ATP6V1H: variants seen among roughly 807,000 people sequenced by gnomAD.
ATP6V1H encodes V-type proton ATPase subunit H.
ATP6V1H carries 39 observed loss-of-function variants against 71.7 expected under a neutral mutation model. That is an observed-to-expected ratio of 0.54 (90% CI 0.42 to 0.71). The LOEUF is 0.71. Ranked by LOEUF, ATP6V1H falls within the 30% of genes least tolerant of loss-of-function variation. The pLI, the probability that ATP6V1H is intolerant of heterozygous loss-of-function variation, is 0.00. For missense variants in ATP6V1H, 509 were observed against 594.9 expected, an observed-to-expected ratio of 0.86 and a Z score of 1.50; for synonymous variants, 192 against 199.3, an observed-to-expected ratio of 0.96 and a Z score of 0.31.
intron 9 of ATP6V1H, among the ~76,000 whole-genome samples, chr8:53,779,356 C>T (rs986330599): frequency 6.6e-6 from 1 of 151,914 alleles, no homozygotes; most frequent in African/African-American, 2.4e-5. Flanking sequence ...TGGAATTAAG[C>T]TTAAAAAGAC....
At chr8:53,839,516 C>A (rs1406099117) in intron 2 of ATP6V1H, 2 of 802,748 alleles carry the variant, frequency 2.5e-6, no homozygotes, top group African/African-American at 3.8e-5. Context: ...CCCCCACACA[C>A]CAAATCAATC....
chr8:53,799,885 GCTAGTGC>G (rs1809854591), intron 8 of ATP6V1H, among the ~76,000 whole-genome samples: 1 of 152,172 alleles, frequency 6.6e-6, no homozygotes, highest in South Asian at 2.1e-4. Context: ...CACCAAATCT[GCTAGTGC>G]CTTCATCTTG....
chr8:53,811,279 T>C lies in ATP6V1H; in HGVS notation c.526-62A>G. The C allele has an allele frequency of 4.1e-6, 6 of 1,464,076 alleles. No homozygotes were observed. The South Asian group carries it at 5.8e-5, about 14-fold the overall frequency. The allele number at this position is 1,464,076 out of a possible 1,614,324, so 90.7% of individuals were successfully genotyped here. A position where few individuals can be genotyped will look rare whatever the true frequency, so the allele number is the denominator to read the frequency against. On this transcript the variant is annotated intron_variant, in intron 6 of 13. Transcript: ENST00000359530. Reference sequence around the variant, plus strand: ...TTTGATTTTATCCTAATGTATCAGCTTACAAAAGGGAGCTAAGCAAACTTT... The same window carrying C: ...TTTGATTTTATCCTAATGTATCAGCCTACAAAAGGGAGCTAAGCAAACTTT...
intron 7 of ATP6V1H, among the ~76,000 whole-genome samples, chr8:53,802,130 A>T (rs1809928999): frequency 6.6e-6 from 1 of 152,374 alleles, no homozygotes. Context: ...ACTACTTAAC[A>T]CACAGGGAAA....
intron 5 of ATP6V1H, among the ~76,000 whole-genome samples, chr8:53,816,530 C>T (rs1296136792): frequency 6.6e-6 from 1 of 152,134 alleles, no homozygotes; most frequent in African/African-American, 2.4e-5. Context: ...GGGTGCAGTG[C>T]CTCACACCTG....
intron 9 of ATP6V1H, among the ~76,000 whole-genome samples, chr8:53,778,815 G>A (rs77714073): frequency 0.017 from 2,604 of 152,268 alleles, 84 homozygotes; most frequent in African/African-American, 0.06. Flanking sequence ...CCAAGGATGT[G>A]TTGCCTAAAA....
intron 11 of ATP6V1H, among the ~76,000 whole-genome samples, chr8:53,762,029 A>G (rs1385593085): frequency 6.6e-6 from 1 of 152,200 alleles, no homozygotes; most frequent in African/African-American, 2.4e-5. Context: ...ATTTTTAGAT[A>G]CCAGACTCAA....
intron 12 of ATP6V1H, among the ~76,000 whole-genome samples, chr8:53,748,050 C>T (rs1397673351): frequency 3.3e-5 from 5 of 151,876 alleles, no homozygotes; most frequent in African/African-American, 9.7e-5. Context: ...CCCAGCTACT[C>T]AGGAGGCTGA....
At position 53,769,685 on chromosome 8, in the gene ATP6V1H, G is replaced by A; in HGVS notation, c.1108C>T (p.His370Tyr). Residue 370 changes from histidine (H) to tyrosine (Y), a missense_variant, in exon 11 of 14, where the codon CAC becomes TAC. By Grantham distance (83) the His-to-Tyr change is moderately conservative. Around this residue, in one of 2 missense-constraint regions of ATP6V1H, gnomAD observed 212 missense variants for 291.6 expected, o/e 0.73. Transcript: ENST00000359530. ...TCTCTCCAAAATTTCTCAGATTTGT[G>A]CACAGGACTCCATTCCAACCTTCCA... ...KSGRLEWSPVHKSEKFWRENA... is the reference protein window; with the variant it reads ...KSGRLEWSPVYKSEKFWRENA... 6.2e-7 allele frequency: 1 copy of A among 1,612,368 alleles called. No homozygotes were observed. The highest frequency in any genetic ancestry group is 8.5e-7 in the Non-Finnish European group (1 of 1,178,710).
At chr8:53,829,981 C>T (rs1360158644) in intron 3 of ATP6V1H, among the ~76,000 whole-genome samples, 1 of 152,166 alleles carries the variant, frequency 6.6e-6, no homozygotes, top group Non-Finnish European at 1.5e-5. Flanking sequence ...GACAACCTCT[C>T]CATAATTCAA....
chr8:53,747,526 C>CT (rs577089626), intron 12 of ATP6V1H, among the ~76,000 whole-genome samples: 21,807 of 141,944 alleles, frequency 0.15, 2,554 homozygotes, highest in East Asian at 0.37. Flanking sequence ...AGAGAAAGCT[C>CT]TTTTTTTTTT....
rs907523002 is a variant in ATP6V1H at position 53,817,365 on chromosome 8, C to T, written c.420+52G>A. ...CCAGCCTGGACAACATAGTGAGACC[C>T]TCTCTCTTTAAAAAAATTTTAAAAA... On this transcript the variant is annotated intron_variant, in intron 5 of 13. Transcript: ENST00000359530. The T allele has an allele frequency of 2.4e-6, 3 of 1,265,376 alleles. No homozygotes were observed. In the African/African-American group the frequency reaches 4.5e-5, roughly 19 times the overall value. The allele number at this position is 1,265,376 out of a possible 1,614,324, so 78.4% of individuals were successfully genotyped here.
intron 12 of ATP6V1H, among the ~76,000 whole-genome samples, chr8:53,750,356 G>A (rs1032070163): frequency 6.6e-6 from 1 of 152,164 alleles, no homozygotes; most frequent in African/African-American, 2.4e-5. Flanking sequence ...TGCACACTGA[G>A]AAAAACCTGA....
chr8:53,798,586 A>C (rs1375625934), intron 8 of ATP6V1H, among the ~76,000 whole-genome samples: 1 of 146,786 alleles, frequency 6.8e-6, no homozygotes, highest in African/African-American at 2.5e-5. Flanking sequence ...TTCTCCTCAC[A>C]TTATTCCTAT....
chr8:53,755,257 G>A (rs1013490080), intron 12 of ATP6V1H, among the ~76,000 whole-genome samples: 1 of 152,102 alleles, frequency 6.6e-6, no homozygotes, highest in Non-Finnish European at 1.5e-5. Context: ...TGCTGAGGTT[G>A]CTGTTATCCT....
chr8:53,837,717 C>A (rs1811205470), intron 2 of ATP6V1H, among the ~76,000 whole-genome samples: 1 of 152,086 alleles, frequency 6.6e-6, no homozygotes, highest in African/African-American at 2.4e-5. Context: ...TTTTTGAAAT[C>A]ACTCTCGCAG....
At chr8:53,818,232 T>C (rs1018727098) in intron 4 of ATP6V1H, among the ~76,000 whole-genome samples, 10 of 152,218 alleles carry the variant, frequency 6.6e-5, no homozygotes, top group Non-Finnish European at 1.0e-4. Flanking sequence ...ATATCAGCAG[T>C]AGCAATACTT....
intron 12 of ATP6V1H, among the ~76,000 whole-genome samples, chr8:53,754,844 A>T (rs1807941098): frequency 6.6e-6 from 1 of 152,198 alleles, no homozygotes; most frequent in Non-Finnish European, 1.5e-5. Context: ...TTCAGTTCAA[A>T]TAATTGAGTC....
intron 9 of ATP6V1H, among the ~76,000 whole-genome samples, chr8:53,775,766 G>T (rs1808855469): frequency 6.6e-6 from 1 of 152,212 alleles, no homozygotes; most frequent in South Asian, 2.1e-4. Context: ...TGATTGGTGT[G>T]TTTACAATCC....
Sources: allele counts gnomAD v4.1 joint callset (sites outside exome capture counted in the v4.1 genomes callset), GRCh38; gene constraint gnomAD v4.1.1; regional missense constraint gnomAD v4.1.1; transcripts MANE v1.5; gene names NCBI Gene and HGNC (gene_info 2026-07-23, HGNC 2026-07-21).